P4HA1: variants seen among roughly 807,000 people sequenced by gnomAD.
The protein encoded by P4HA1 is prolyl 4-hydroxylase subunit alpha 1.
Under a neutral mutation model 72.8 loss-of-function variants are expected in P4HA1, and 24 were observed. That is an observed-to-expected ratio of 0.33 (90% CI 0.24 to 0.46). The LOEUF (loss-of-function observed/expected upper bound fraction) is 0.46, where lower values mean the gene tolerates loss of function less well. Ranked by LOEUF, P4HA1 falls within the 20% of genes least tolerant of loss-of-function variation. The pLI is 1.00. For missense variants in P4HA1, 446 were observed against 640.6 expected, an observed-to-expected ratio of 0.70 and a Z score of 3.28; for synonymous variants, 201 against 218.8, an observed-to-expected ratio of 0.92 and a Z score of 0.72.
chr10:73,093,892 A>ATG (rs1842103914), intron 1 of P4HA1, among the ~76,000 whole-genome samples: 2 of 93,210 alleles, frequency 2.1e-5, no homozygotes, highest in Admixed American at 2.5e-4. Flanking sequence ...ATATATATAT[A>ATG]TATATATATA....
At chr10:73,018,805 G>A (rs866585904) in intron 10 of P4HA1, among the ~76,000 whole-genome samples, 3 of 152,170 alleles carry the variant, frequency 2.0e-5, no homozygotes, top group Admixed American at 6.5e-5. Flanking sequence ...TAGACTCACA[G>A]CTACAACCTG....
At chr10:73,082,560 C>T (rs1285301950) in intron 1 of P4HA1, 1 of 152,154 alleles carries the variant, frequency 6.6e-6, no homozygotes, top group Non-Finnish European at 1.5e-5. Flanking sequence ...TCATTGTGAT[C>T]AATTAGTTGT....
chr10:73,021,266 T>C (rs1373573439), intron 10 of P4HA1, among the ~76,000 whole-genome samples: 1 of 152,112 alleles, frequency 6.6e-6, no homozygotes, highest in Non-Finnish European at 1.5e-5. Context: ...AGAGGTTCCC[T>C]TAAAAACTAA....
chr10:73,019,584 C>T (rs1840086328), intron 10 of P4HA1, among the ~76,000 whole-genome samples: 1 of 151,342 alleles, frequency 6.6e-6, no homozygotes, highest in Non-Finnish European at 1.5e-5. Context: ...TAAAAAAGAA[C>T]CAAACAAAAC....
chr10:73,047,549 CAAAAAAAA>C (rs1167975608), intron 7 of P4HA1, among the ~76,000 whole-genome samples: 10,089 of 59,360 alleles, frequency 0.17, 1,248 homozygotes, highest in African/African-American at 0.39. Flanking sequence ...ATGCTTGTGG[CAAAAAAAA>C]AAAAAAAAAA....
chr10:73,040,772 G>A (rs1436968411), intron 9 of P4HA1, among the ~76,000 whole-genome samples: 2 of 151,946 alleles, frequency 1.3e-5, no homozygotes, highest in African/African-American at 2.4e-5. Flanking sequence ...ACTCCTGGCC[G>A]TAATTTTGTT....
Position 73,059,437 on chromosome 10 carries a change from A to T in P4HA1, c.464-5847T>A, listed in dbSNP as rs1841252791. Among the ~76,000 whole-genome samples the T allele has an allele frequency of 2.0e-5, 2 of 98,946 alleles. 1 individual carries two copies. The highest frequency in any genetic ancestry group is 8.7e-5 in the African/African-American group (2 of 23,032). 64.9% of individuals were successfully genotyped at this position (98,946 alleles called of 152,430 possible). A position where few individuals can be genotyped will look rare whatever the true frequency, so the allele number is the denominator to read the frequency against. On this transcript the variant is annotated intron_variant, in intron 5 of 14. Coordinates refer to ENST00000394890, the MANE Select transcript of P4HA1 (RefSeq NM_001017962.3). ...AGACAATATATTTAAAAAAAAAAAA[A>T]AAAAAAAAAAAAAAAAAAAAAAAAG...
intron 10 of P4HA1, among the ~76,000 whole-genome samples, chr10:73,017,878 A>G (rs758430339): frequency 4.6e-5 from 7 of 152,252 alleles, no homozygotes; most frequent in Non-Finnish European, 1.0e-4. Context: ...CAATCACACA[A>G]CACAATAAAA....
intron 10 of P4HA1, among the ~76,000 whole-genome samples, chr10:73,027,792 G>T (rs1368448410): frequency 7.2e-6 from 1 of 139,498 alleles, no homozygotes; most frequent in Non-Finnish European, 1.5e-5. Context: ...AAGCAAACAT[G>T]GAAGGAAGGA....
intron 9 of P4HA1, among the ~76,000 whole-genome samples, chr10:73,030,922 T>C (rs898528203): frequency 2.6e-5 from 4 of 152,160 alleles, no homozygotes; most frequent in African/African-American, 7.2e-5. Flanking sequence ...CTAATGGGAA[T>C]GTAAAAGGGG....
chr10:73,045,908 AAAAAC>A (rs1840849857), intron 8 of P4HA1, among the ~76,000 whole-genome samples: 1 of 151,618 alleles, frequency 6.6e-6, no homozygotes, highest in South Asian at 2.1e-4. Flanking sequence ...GGAGAAGCAG[AAAAAC>A]TCTAAAAGAA....
intron 2 of P4HA1, among the ~76,000 whole-genome samples, chr10:73,074,190 T>C (rs1051093692): frequency 2.6e-5 from 4 of 152,216 alleles, no homozygotes; most frequent in African/African-American, 9.6e-5. Flanking sequence ...ACCTTTGTTT[T>C]TGAGACTAAT....
intron 1 of P4HA1, among the ~76,000 whole-genome samples, chr10:73,093,859 A>AAATAAAAAAAT (rs1564640845): frequency 1.2e-4 from 8 of 68,202 alleles, no homozygotes; most frequent in African/African-American, 5.8e-4. Flanking sequence ...AAAAAAAAAA[A>AAATAAAAAAAT]AAAAAAAAAA....
chr10:73,093,732 A>G (rs1333826328), intron 1 of P4HA1, among the ~76,000 whole-genome samples: 1 of 147,090 alleles, frequency 6.8e-6, no homozygotes, highest in African/African-American at 2.5e-5. Context: ...AGTCCCAGCT[A>G]CTCGGGAGGC....
chr10:73,024,038 A>G (rs1372594493), intron 10 of P4HA1, among the ~76,000 whole-genome samples: 8 of 152,150 alleles, frequency 5.3e-5, no homozygotes, highest in South Asian at 4.1e-4. Flanking sequence ...CACAATAATA[A>G]TGAGAGACTT....
intron 9 of P4HA1, among the ~76,000 whole-genome samples, chr10:73,031,875 C>T (rs183424957): frequency 2.0e-5 from 3 of 152,278 alleles, no homozygotes; most frequent in East Asian, 1.9e-4. Flanking sequence ...ATCAGTCCTT[C>T]GCTTTCTTCA....
At chr10:73,074,994 T>C (rs1182873940) in intron 1 of P4HA1, 79 bp from the exon 2 acceptor site, 1 of 593,600 alleles carries the variant, frequency 1.7e-6, no homozygotes, top group Non-Finnish European at 3.0e-6. Flanking sequence ...ATTATTTCTA[T>C]GAAAAAGTAA....
At chr10:73,050,264 A>T (rs1840987087) in intron 7 of P4HA1, among the ~76,000 whole-genome samples, 1 of 152,036 alleles carries the variant, frequency 6.6e-6, no homozygotes. Context: ...CCCTGGAAGG[A>T]TCAAATGAAA....
intron 1 of P4HA1, among the ~76,000 whole-genome samples, chr10:73,093,070 T>C (rs920715754): frequency 4.7e-5 from 7 of 150,116 alleles, no homozygotes; most frequent in African/African-American, 1.7e-4. Context: ...CAGTGAGCTA[T>C]GGTCACACCA....
Sources: gnomAD v4.1 joint callset for allele counts (sites outside exome capture counted in the v4.1 genomes callset) on GRCh38, gnomAD v4.1.1 for gene constraint, MANE v1.5 for transcripts, NCBI Gene and HGNC (gene_info 2026-07-23, HGNC 2026-07-21) for gene names.